Variants in ATXN10 observed in about 807,000 individuals in gnomAD.
ATXN10 encodes ataxin-10.
Under a neutral mutation model 52.9 loss-of-function variants are expected in ATXN10, and 28 were observed. The observed-to-expected ratio is 0.53, with a 90% CI of 0.39 to 0.73. ATXN10 has a LOEUF of 0.73. ATXN10 is among the 30% of genes least tolerant of loss of function. The pLI, the probability that ATXN10 is intolerant of heterozygous loss-of-function variation, is 0.00. For synonymous variants in ATXN10, 226 were observed against 221.5 expected (o/e 1.02, Z -0.18); for missense variants, 565 against 577.0 (o/e 0.98, Z 0.21).
chr22:45,775,404 G>A lies in ATXN10; in HGVS notation c.1174-31555G>A, dbSNP rs1157276414. On this transcript the variant is annotated intron_variant, in intron 9 of 11. Coordinates refer to ENST00000252934, the MANE Select transcript of ATXN10 (RefSeq NM_013236.4). This position sits in a 1 kb window ranked among gnomAD's most constrained non-coding sequence, Gnocchi z 4.7. ...AAGTTGGAAAACACAAACATTGTGAGGGTTTGTAGAACGGGTGGGTGCTTG... is the reference window on the plus strand; with the variant it reads ...AAGTTGGAAAACACAAACATTGTGAAGGTTTGTAGAACGGGTGGGTGCTTG... 2.6e-5 allele frequency among the ~76,000 whole-genome samples: 4 copies of A among 152,200 alleles called. No individual in the cohort carries two copies. Among genetic ancestry groups the A allele is most frequent in the African/African-American group, 7.2e-5 (3 of 41,448 alleles).
intron 10 of ATXN10, among the ~76,000 whole-genome samples, chr22:45,836,300 A>G (rs1197113676): frequency 6.6e-6 from 1 of 152,238 alleles, no homozygotes. Context: ...TTAGAAAGCA[A>G]TGAAAATATC....
intron 10 of ATXN10, among the ~76,000 whole-genome samples, chr22:45,834,856 C>T (rs547283363): frequency 2.5e-4 from 38 of 152,292 alleles, no homozygotes; most frequent in Non-Finnish European, 4.0e-4. Context: ...GTGGCTCCTT[C>T]CGAGTCTCAG....
chr22:45,709,082 T>G (rs1297517967), intron 5 of ATXN10, among the ~76,000 whole-genome samples: 1 of 152,246 alleles, frequency 6.6e-6, no homozygotes, highest in Non-Finnish European at 1.5e-5. Context: ...TCTTGCCTTA[T>G]GCATGTACAT....
Position 45,754,849 on chromosome 22 carries a change from TGTCTCAA to T in ATXN10, c.1173+14312_1173+14318del, listed in dbSNP as rs1291649067. On this transcript the variant is annotated intron_variant, in intron 9 of 11. Transcript: ENST00000252934. The surrounding 1 kb of genome is among the most constrained non-coding windows in gnomAD (Gnocchi z 5.4). Reference sequence around the variant, plus strand: ...CAGCCTGGGCAACAGAGTGAGACTCTGTCTCAAAAAATGTCTTGGCCCTCCTTGCAAC... The same window carrying T: ...CAGCCTGGGCAACAGAGTGAGACTCTAAAATGTCTTGGCCCTCCTTGCAAC... Among the ~76,000 whole-genome samples, 1 of 152,236 alleles carries T rather than the reference TGTCTCAA, an allele frequency of 6.6e-6. No homozygotes were observed. The highest frequency in any genetic ancestry group is 1.9e-4 in the East Asian group (1 of 5,200).
Position 45,677,224 on chromosome 22 carries a change from C to T in ATXN10, c.116+5045C>T, listed in dbSNP as rs964077697. On this transcript the variant is annotated intron_variant, in intron 1 of 11. Coordinates refer to ENST00000252934, the MANE Select transcript of ATXN10 (RefSeq NM_013236.4). This position sits in a 1 kb window ranked among gnomAD's most constrained non-coding sequence, Gnocchi z 4.1. Reference sequence around the variant, plus strand: ...AAACTGATACCTCATTGGTCTTCCACCTGATGAGCTTCTTGAATGAAGTGG... The same window carrying T: ...AAACTGATACCTCATTGGTCTTCCATCTGATGAGCTTCTTGAATGAAGTGG... 13 of 152,180 alleles carry T rather than the reference C, an allele frequency of 8.5e-5. No homozygotes were observed. Among genetic ancestry groups the T allele is most frequent in the Non-Finnish European group, 1.6e-4 (11 of 68,034 alleles). The allele number at this position is 152,180 out of a possible 1,614,324, so 9.4% of individuals were successfully genotyped here.
At chr22:45,809,040 A>G (rs937525613) in intron 10 of ATXN10, among the ~76,000 whole-genome samples, 3 of 152,256 alleles carry the variant, frequency 2.0e-5, no homozygotes, top group Admixed American at 2.0e-4. Flanking sequence ...GTGGTAAGAT[A>G]TGAGACACAT....
At chr22:45,799,165 G>A (rs1213682941) in intron 9 of ATXN10, among the ~76,000 whole-genome samples, 2 of 151,910 alleles carry the variant, frequency 1.3e-5, no homozygotes, top group Non-Finnish European at 2.9e-5. Flanking sequence ...CCGCCTCCCG[G>A]GTTCAAGAGA....
At chr22:45,697,021 A>G (rs1356659645) in intron 3 of ATXN10, among the ~76,000 whole-genome samples, 1 of 152,166 alleles carries the variant, frequency 6.6e-6, no homozygotes. Flanking sequence ...GTATGAGTTT[A>G]ATTGTTTTTT....
intron 3 of ATXN10, among the ~76,000 whole-genome samples, chr22:45,698,945 T>G (rs1233964436): frequency 1.3e-5 from 2 of 152,202 alleles, no homozygotes; most frequent in Non-Finnish European, 2.9e-5. Flanking sequence ...CTAGGTAGAT[T>G]TTTTAGCAGG....
intron 8 of ATXN10, 32 bp from the exon 9 acceptor site, chr22:45,740,337 G>C (rs574025455): frequency 1.2e-6 from 2 of 1,612,624 alleles, no homozygotes; most frequent in Non-Finnish European, 1.7e-6. Flanking sequence ...TTACTTTTCT[G>C]TGGAAAATGA....
At chr22:45,809,527 T>C (rs572587279) in intron 10 of ATXN10, among the ~76,000 whole-genome samples, 1 of 152,234 alleles carries the variant, frequency 6.6e-6, no homozygotes, top group Admixed American at 6.5e-5. Context: ...ATATATCAAG[T>C]TTTGGTGTGA....
At chr22:45,752,782 A>G (rs1189700026) in intron 9 of ATXN10, among the ~76,000 whole-genome samples, 1 of 151,910 alleles carries the variant, frequency 6.6e-6, no homozygotes, top group Non-Finnish European at 1.5e-5. Flanking sequence ...CTTGTTGCCA[A>G]GGCTGGAGTG....
intron 7 of ATXN10, among the ~76,000 whole-genome samples, chr22:45,735,060 G>A (rs1278993904): frequency 6.6e-6 from 1 of 151,822 alleles, no homozygotes; most frequent in Non-Finnish European, 1.5e-5. Flanking sequence ...TGTATTTTTA[G>A]TAGAGATGGG....
In ATXN10 at chr22:45,718,009, G is replaced by A. The variant is rs1924510629; in HGVS notation, c.648-404G>A. On this transcript the variant is annotated intron_variant, in intron 5 of 11. Coordinates refer to ENST00000252934, the MANE Select transcript of ATXN10 (RefSeq NM_013236.4). The surrounding 1 kb of genome is among the most constrained non-coding windows in gnomAD (Gnocchi z 4.4). ...GTGAATAATCAAGCCAGTAATGGAA[G>A]TGTGACAAGTCTTTCTCTGGTTCAT... Among the ~76,000 whole-genome samples the A allele has an allele frequency of 1.3e-5, 2 of 152,164 alleles. No individual in the cohort carries two copies. Among genetic ancestry groups the A allele is most frequent in the South Asian group, 2.1e-4 (1 of 4,832 alleles).
intron 6 of ATXN10, among the ~76,000 whole-genome samples, chr22:45,719,043 GT>G (rs2146775167): frequency 6.6e-6 from 1 of 151,528 alleles, no homozygotes; most frequent in African/African-American, 2.4e-5. Context: ...AGGTTCGTGT[GT>G]GTGTGTATTT....
At chr22:45,714,903 T>C (rs972670263) in intron 5 of ATXN10, among the ~76,000 whole-genome samples, 5 of 152,220 alleles carry the variant, frequency 3.3e-5, no homozygotes, top group African/African-American at 1.2e-4. Context: ...CTCATTTTTG[T>C]TTCTGATGAT....
chr22:45,683,460 T>C lies in ATXN10; in HGVS notation c.117-6252T>C, dbSNP rs1923010608. 6.6e-6 allele frequency among the ~76,000 whole-genome samples: 1 copy of C among 152,208 alleles called. No individual in the cohort carries two copies. ...CTTCTCTTTTCTCACTGGGGTTCATTGAAGCCAGCCCTGACTTCCCTGTGA... is the reference window on the plus strand; with the variant it reads ...CTTCTCTTTTCTCACTGGGGTTCATCGAAGCCAGCCCTGACTTCCCTGTGA... On this transcript the variant is annotated intron_variant, in intron 1 of 11. Coordinates refer to ENST00000252934, the MANE Select transcript of ATXN10 (RefSeq NM_013236.4). The surrounding 1 kb of genome is among the most constrained non-coding windows in gnomAD (Gnocchi z 4.8).
chr22:45,681,307 C>A lies in ATXN10; in HGVS notation c.117-8405C>A, dbSNP rs1297656361. 6.6e-6 allele frequency among the ~76,000 whole-genome samples: 1 copy of A among 152,136 alleles called. No individual in the cohort carries two copies. Among genetic ancestry groups the A allele is most frequent in the Admixed American group, 6.5e-5 (1 of 15,272 alleles). ...CCATCTCAGACACACATTGCCATAC[C>A]TTACTTAGACTTTATCCATAACTGT... On this transcript the variant is annotated intron_variant, in intron 1 of 11. Transcript: ENST00000252934. This position sits in a 1 kb window ranked among gnomAD's most constrained non-coding sequence, Gnocchi z 4.2.
intron 9 of ATXN10, among the ~76,000 whole-genome samples, chr22:45,794,448 TAAAAA>T (rs778584781): frequency 7.0e-6 from 1 of 143,500 alleles, no homozygotes; most frequent in African/African-American, 2.5e-5. Context: ...TATTCTTTCT[TAAAAA>T]AAAAAAAAGG....
Sources: gnomAD v4.1 joint callset for allele counts (sites outside exome capture counted in the v4.1 genomes callset) on GRCh38, gnomAD v4.1.1 for gene constraint, Gnocchi (gnomAD v3.1) non-coding constraint, MANE v1.5 for transcripts, NCBI Gene and HGNC (gene_info 2026-07-23, HGNC 2026-07-21) for gene names.